Variants in PEPD observed in about 807,000 individuals in gnomAD.
PEPD encodes the protein xaa-Pro dipeptidase.
In PEPD, 53 loss-of-function variants were observed where a neutral mutation model predicts 60.7. The observed-to-expected ratio is 0.87, with a 90% CI of 0.70 to 1.10. The LOEUF (loss-of-function observed/expected upper bound fraction) is 1.10. Among genes scored for constraint, PEPD ranks in the 50% least tolerant of loss-of-function variants. The pLI, the probability that PEPD is intolerant of heterozygous loss-of-function variation, is 0.00. For missense variants in PEPD, 711 were observed against 711.9 expected, an observed-to-expected ratio of 1.00 and a Z score of 0.01; for synonymous variants, 267 against 284.1, an observed-to-expected ratio of 0.94 and a Z score of 0.60.
chr19:33,394,468 CTCTTGGCCGGGAGCAGGGAG>C (rs1303253505), intron 12 of PEPD, among the ~76,000 whole-genome samples: 1 of 152,252 alleles, frequency 6.6e-6, no homozygotes, highest in Non-Finnish European at 1.5e-5. Context: ...GCACACAGCT[CTCTTGGCCGGGAGCAGGGAG>C]TTTCTGCCTG....
intron 10 of PEPD, among the ~76,000 whole-genome samples, chr19:33,412,629 T>C (rs1394889731): frequency 6.6e-6 from 1 of 152,196 alleles, no homozygotes; most frequent in African/African-American, 2.4e-5. Context: ...CACCTGGGTG[T>C]AATATTTATG....
intron 7 of PEPD, among the ~76,000 whole-genome samples, chr19:33,468,715 G>A (rs532998142): frequency 5.9e-5 from 9 of 152,318 alleles, no homozygotes; most frequent in South Asian, 2.1e-4. Flanking sequence ...ACACCTTCCC[G>A]AGACCACAGA....
chr19:33,429,600 A>C (rs1057286241), intron 9 of PEPD, among the ~76,000 whole-genome samples: 3 of 152,258 alleles, frequency 2.0e-5, no homozygotes, highest in African/African-American at 7.2e-5. Context: ...TCAGACTATA[A>C]AGATAGAAAA....
intron 11 of PEPD, among the ~76,000 whole-genome samples, chr19:33,407,755 G>C (rs1968665006): frequency 6.6e-6 from 1 of 152,218 alleles, no homozygotes. Flanking sequence ...AGCGGGAAAA[G>C]ACTCTGAGAA....
chr19:33,480,738 T>TGAGCCAAGATCGCACC (rs1243652862), intron 6 of PEPD, among the ~76,000 whole-genome samples: 2 of 151,970 alleles, frequency 1.3e-5, no homozygotes, highest in Non-Finnish European at 2.9e-5. Flanking sequence ...GAGATTGCAG[T>TGAGCCAAGATCGCACC]GAGCCAAGAT....
At chr19:33,428,949 C>G (rs1969212612) in intron 9 of PEPD, among the ~76,000 whole-genome samples, 1 of 152,242 alleles carries the variant, frequency 6.6e-6, no homozygotes, top group African/African-American at 2.4e-5. Context: ...CCTGTCTGCC[C>G]AGGCAGCCCC....
intron 4 of PEPD, among the ~76,000 whole-genome samples, chr19:33,496,372 C>T (rs1445381777): frequency 6.6e-6 from 1 of 152,144 alleles, no homozygotes; most frequent in Non-Finnish European, 1.5e-5. Flanking sequence ...ACTCTGAGAG[C>T]AGGCTGTGCA....
At position 33,388,012 on chromosome 19, in the gene PEPD, C is replaced by T; in HGVS notation, c.1222G>A (p.Val408Met). 2 of 1,572,022 alleles carry T rather than the reference C, an allele frequency of 1.3e-6. No individual in the cohort carries two copies. Among genetic ancestry groups the T allele is most frequent in the Non-Finnish European group, 1.7e-6 (2 of 1,158,840 alleles). Reference protein sequence around the residue: ...RTARHLQPGMVLTVEPGIYFI... With the variant: ...RTARHLQPGMMLTVEPGIYFI... The stretch of plus-strand genomic sequence containing the variant: ...TAGATGCCCGGCTCCACGGTGAGCA[C>T]CATGCCTGGCTGCAGGTGCCGTGCA... The change falls in exon 14 of 15, where the codon GTG becomes ATG. Residue 408 changes from valine to methionine, a missense_variant. Transcript: ENST00000244137.
intron 9 of PEPD, among the ~76,000 whole-genome samples, chr19:33,437,697 T>C (rs955145964): frequency 3.9e-5 from 6 of 152,160 alleles, no homozygotes; most frequent in African/African-American, 7.2e-5. Flanking sequence ...AGAGAGCCCG[T>C]TGGAATAAAT....
intron 7 of PEPD, among the ~76,000 whole-genome samples, chr19:33,466,757 G>GAA (rs778343133): frequency 8.0e-6 from 1 of 125,076 alleles, no homozygotes; most frequent in Non-Finnish European, 1.8e-5. Context: ...TTGTACTAAT[G>GAA]AAAAAAAAAA....
intron 7 of PEPD, among the ~76,000 whole-genome samples, chr19:33,470,499 C>T (rs908823440): frequency 6.6e-6 from 1 of 152,096 alleles, no homozygotes; most frequent in Non-Finnish European, 1.5e-5. Context: ...GAGACGACCC[C>T]CTTCTACCCT....
chr19:33,445,477 T>C (rs1362615086), intron 9 of PEPD, among the ~76,000 whole-genome samples: 3 of 152,168 alleles, frequency 2.0e-5, no homozygotes, highest in Admixed American at 6.5e-5. Context: ...TGTCCTGATA[T>C]GAGGACATCT....
intron 9 of PEPD, among the ~76,000 whole-genome samples, chr19:33,419,192 C>A (rs1968957146): frequency 6.6e-6 from 1 of 152,078 alleles, no homozygotes; most frequent in South Asian, 2.1e-4. Flanking sequence ...TTGCATGGAC[C>A]ATCTCCATGT....
At chr19:33,491,443 C>T (rs1846927472) in intron 5 of PEPD, among the ~76,000 whole-genome samples, 2 of 152,144 alleles carry the variant, frequency 1.3e-5, no homozygotes, top group Admixed American at 1.3e-4. Context: ...GAGCAAAACT[C>T]CATGTTTGAA....
At chr19:33,463,901 C>T (rs777401277) in intron 8 of PEPD, 86 bp downstream of exon 8, 14 of 879,020 alleles carry the variant, frequency 1.6e-5, no homozygotes, top group Non-Finnish European at 2.4e-5. Context: ...TTAGAGCCCA[C>T]CTGGAAACCC....
intron 9 of PEPD, among the ~76,000 whole-genome samples, chr19:33,442,339 G>A (rs565220084): frequency 5.3e-5 from 8 of 151,592 alleles, no homozygotes; most frequent in African/African-American, 1.2e-4. Context: ...CCCGGGAGGC[G>A]GAGGTTGCAG....
At chr19:33,394,913 C>A (rs962789061) in intron 12 of PEPD, among the ~76,000 whole-genome samples, 5 of 152,240 alleles carry the variant, frequency 3.3e-5, no homozygotes, top group African/African-American at 1.2e-4. Context: ...CTGGAGTCTG[C>A]CTGGCTCCCT....
chr19:33,405,229 C>A (rs1968593353), intron 11 of PEPD, among the ~76,000 whole-genome samples: 1 of 152,218 alleles, frequency 6.6e-6, no homozygotes, highest in Non-Finnish European at 1.5e-5. Flanking sequence ...TCCCTGGGCC[C>A]CATGGCAGGG....
intron 9 of PEPD, among the ~76,000 whole-genome samples, chr19:33,451,331 A>G (rs1224981936): frequency 6.6e-6 from 1 of 152,250 alleles, no homozygotes; most frequent in Non-Finnish European, 1.5e-5. Flanking sequence ...AAGGAAAATT[A>G]GAAACTTAAA....
Sources: allele counts gnomAD v4.1 joint callset (sites outside exome capture counted in the v4.1 genomes callset), GRCh38; gene constraint gnomAD v4.1.1; transcripts MANE v1.5; gene names NCBI Gene and HGNC (gene_info 2026-07-23, HGNC 2026-07-21).